DCHS2: variants seen among roughly 807,000 people sequenced by gnomAD.
DCHS2 encodes protocadherin-23.
DCHS2 carries 142 observed loss-of-function variants against 182.4 expected under a neutral mutation model. That is an observed-to-expected ratio of 0.78 (90% confidence interval 0.68 to 0.89). DCHS2 has a LOEUF of 0.89. Ranked by LOEUF, DCHS2 falls within the 40% of genes least tolerant of loss-of-function variation. The pLI is 0.00. For synonymous variants in DCHS2, 1,740 were observed against 1,663.3 expected (o/e 1.05, Z -1.12); for missense variants, 4,319 against 4,198.6 (o/e 1.03, Z -0.79).
Position 154,397,213 on chromosome 4 carries a change from T to C in DCHS2, c.2053-19769A>G, listed in dbSNP as rs112488849. ...TGGGAAAGAGACATAAACAGTAACATGGGCAAGCATTTATCAGGCTAAACA... is the reference window on the plus strand; with the variant it reads ...TGGGAAAGAGACATAAACAGTAACACGGGCAAGCATTTATCAGGCTAAACA... On this transcript the variant is annotated intron_variant, in intron 1 of 19. Coordinates refer to ENST00000357232, the MANE Select transcript of DCHS2 (RefSeq NM_001358235.2). 9.2e-3 allele frequency among the ~76,000 whole-genome samples: 1,395 copies of C among 152,262 alleles called. 5 individuals carry two copies. The highest frequency in any genetic ancestry group is 0.034 in the Middle Eastern group (10 of 292).
In DCHS2 at chr4:154,491,245, G is replaced by A. The variant is rs1264511320; in HGVS notation, c.111C>T (p.Gly37=). 2.6e-6 allele frequency: 4 copies of A among 1,551,436 alleles called. No individual in the cohort carries two copies. The highest frequency in any genetic ancestry group is 3.5e-6 in the Non-Finnish European group (4 of 1,146,988). ...AGCGCTGCGTCCTGGCGCCGCTGCTGCCTGACCGCCCATGGGGTGTATCTC... is the reference window on the plus strand; with the variant it reads ...AGCGCTGCGTCCTGGCGCCGCTGCTACCTGACCGCCCATGGGGTGTATCTC... ...GRRDTPHGRS[G]SSGARTQRSL... The change falls in exon 1 of 20, where the codon GGC becomes GGT. Residue 37 remains glycine (G), a synonymous_variant. Coordinates refer to ENST00000357232, the MANE Select transcript of DCHS2 (RefSeq NM_001358235.2).
In DCHS2 at chr4:154,490,043, C is replaced by A; in HGVS notation, c.1313G>T (p.Arg438Leu). The A allele has an allele frequency of 6.5e-7, 1 of 1,548,194 alleles. No individual in the cohort carries two copies. Among genetic ancestry groups the A allele is most frequent in the Non-Finnish European group, 8.7e-7 (1 of 1,146,958 alleles). ...ACCGTCCGCGTCAGACACCGAGACG[C>A]GAGCCACGTAGTCGCCCGGTCGGGC... Reference protein sequence around the residue: ...EGARPGDYVARVSVSDADGDW... With the variant: ...EGARPGDYVALVSVSDADGDW... Residue 438 changes from arginine to leucine, a missense_variant, in exon 1 of 20, where the codon CGC becomes CTC. Arg to Leu is a moderately radical substitution (Grantham distance 102). Coordinates refer to ENST00000357232, the MANE Select transcript of DCHS2 (RefSeq NM_001358235.2).
In DCHS2 at chr4:154,325,327, G is replaced by A. The variant is rs1274363355; in HGVS notation, c.4018+2766C>T. ...AGCAGGATTATAGCCGTGTGTGTGT[G>A]TGTGTGTGTGTGTGTGTGTGTGTGT... On this transcript the variant is annotated intron_variant, in intron 7 of 19. Transcript: ENST00000357232. Among the ~76,000 whole-genome samples the A allele has an allele frequency of 1.9e-4, 15 of 79,432 alleles. No homozygotes were observed. In the East Asian group the frequency reaches 2.8e-3, roughly 15 times the overall value. 52.1% of individuals were successfully genotyped at this position (79,432 alleles called of 152,430 possible). A position where few individuals can be genotyped will look rare whatever the true frequency, so the allele number is the denominator to read the frequency against.
At chr4:154,271,092 A>T (rs143691100) in intron 13 of DCHS2, among the ~76,000 whole-genome samples, 101 of 152,304 alleles carry the variant, frequency 6.6e-4, no homozygotes, top group African/African-American at 2.3e-3. Context: ...ATTAGCAAGG[A>T]CTGATAGAGG....
chr4:154,427,109 G>A (rs1308442793), intron 1 of DCHS2, among the ~76,000 whole-genome samples: 3 of 152,174 alleles, frequency 2.0e-5, no homozygotes, highest in Non-Finnish European at 4.4e-5. Flanking sequence ...CTGTATACAT[G>A]TATGGAAACA....
chr4:154,423,879 A>G (rs2110919815), intron 1 of DCHS2, among the ~76,000 whole-genome samples: 1 of 152,320 alleles, frequency 6.6e-6, no homozygotes, highest in Non-Finnish European at 1.5e-5. Flanking sequence ...CTGAGATTCT[A>G]CATTTCTAAC....
intron 13 of DCHS2, among the ~76,000 whole-genome samples, chr4:154,288,464 T>C (rs1488973638): frequency 6.6e-6 from 1 of 152,116 alleles, no homozygotes; most frequent in Non-Finnish European, 1.5e-5. Flanking sequence ...AGTACAATAA[T>C]AGCTGAAGAC....
chr4:154,319,044 A>G (rs1735957337), intron 9 of DCHS2, among the ~76,000 whole-genome samples: 1 of 152,142 alleles, frequency 6.6e-6, no homozygotes, highest in South Asian at 2.1e-4. Context: ...AAATCCACCC[A>G]TATATGGTCA....
At chr4:154,328,309 A>G (rs1736378907) in intron 6 of DCHS2, 117 bp from the exon 7 acceptor site, 1 of 659,648 alleles carries the variant, frequency 1.5e-6, no homozygotes, top group African/African-American at 1.9e-5. Flanking sequence ...CTTAAAATCC[A>G]CATATAATTC....
chr4:154,325,319 G>A (rs879501102), intron 7 of DCHS2, among the ~76,000 whole-genome samples: 9,520 of 70,104 alleles, frequency 0.14, 374 homozygotes, highest in African/African-American at 0.17. Flanking sequence ...TTATAGCCGT[G>A]TGTGTGTGTG....
At chr4:154,483,407 T>G (rs575649179) in intron 1 of DCHS2, among the ~76,000 whole-genome samples, 1 of 152,314 alleles carries the variant, frequency 6.6e-6, no homozygotes, top group South Asian at 2.1e-4. Context: ...GATTCCAGAT[T>G]ACAGGGGATG....
At chr4:154,423,478 G>A (rs1401583895) in intron 1 of DCHS2, among the ~76,000 whole-genome samples, 1 of 152,192 alleles carries the variant, frequency 6.6e-6, no homozygotes, top group African/African-American at 2.4e-5. Flanking sequence ...CAGAAACCAT[G>A]TCTCATTGCT....
chr4:154,254,998 C>G (rs1732581291), intron 16 of DCHS2, among the ~76,000 whole-genome samples: 1 of 152,042 alleles, frequency 6.6e-6, no homozygotes, highest in Non-Finnish European at 1.5e-5. Context: ...GCTGGCATAT[C>G]TTAGACTCTA....
Position 154,235,861 on chromosome 4 carries a change from T to A in DCHS2, c.8791A>T (p.Thr2931Ser). The change falls in exon 20 of 20, where the codon ACC becomes TCC. Residue 2931 changes from threonine (T) to serine (S), a missense_variant. Thr to Ser is a moderately conservative substitution (Grantham distance 58). Coordinates refer to ENST00000357232, the MANE Select transcript of DCHS2 (RefSeq NM_001358235.2). ...TSSPFFSVNK[T>S]NGNIYLIRAL... ...CTAATCAAATAAATATTTCCATTGG[T>A]TTTATTTACTGAAAAGAAAGGAGAT... The A allele has an allele frequency of 3.1e-6, 5 of 1,614,060 alleles. No homozygotes were observed. Among genetic ancestry groups the A allele is most frequent in the Non-Finnish European group, 4.2e-6 (5 of 1,179,956 alleles).
chr4:154,348,844 T>C (rs1729475625), intron 3 of DCHS2, among the ~76,000 whole-genome samples: 1 of 151,914 alleles, frequency 6.6e-6, no homozygotes, highest in Admixed American at 6.5e-5. Context: ...GGTGCTTTGT[T>C]ATGGCAGCCC....
intron 12 of DCHS2, among the ~76,000 whole-genome samples, chr4:154,302,412 C>G (rs1483353446): frequency 2.0e-5 from 3 of 152,198 alleles, no homozygotes; most frequent in African/African-American, 7.2e-5. Flanking sequence ...TCCCCTTTCT[C>G]CCCTTACACA....
intron 1 of DCHS2, among the ~76,000 whole-genome samples, chr4:154,377,852 C>T (rs528229676): frequency 2.0e-5 from 3 of 152,350 alleles, no homozygotes; most frequent in South Asian, 4.1e-4. Flanking sequence ...CCTAGGCCTT[C>T]AAGTGATAGG....
At chr4:154,460,954 A>G (rs1734986016) in intron 1 of DCHS2, among the ~76,000 whole-genome samples, 1 of 152,200 alleles carries the variant, frequency 6.6e-6, no homozygotes, top group South Asian at 2.1e-4. Context: ...GAATCACTGT[A>G]TGCCATTGTT....
Position 154,349,255 on chromosome 4 carries a change from A to G in DCHS2, c.2477-14151T>C, listed in dbSNP as rs114031678. ...TCATTTCACAGTTACTTTCCTTGTA[A>G]AGGTTAAATCAGATGGGACTTTCTT... On this transcript the variant is annotated intron_variant, in intron 3 of 19. Coordinates refer to ENST00000357232, the MANE Select transcript of DCHS2 (RefSeq NM_001358235.2). Among the ~76,000 whole-genome samples the G allele has an allele frequency of 8.6e-3, 1,297 of 150,124 alleles. 33 individuals are homozygous for G. The highest frequency in any genetic ancestry group is 0.031 in the African/African-American group (1,226 of 39,506).
Sources: allele counts gnomAD v4.1 joint callset (sites outside exome capture counted in the v4.1 genomes callset), GRCh38; gene constraint gnomAD v4.1.1; transcripts MANE v1.5; gene names NCBI Gene and HGNC (gene_info 2026-07-23, HGNC 2026-07-21).